The following CCDC91 variants were observed in gnomAD, a reference collection of about 807,000 sequenced individuals.
CCDC91 encodes coiled-coil domain containing 91.
CCDC91 carries 48 observed loss-of-function variants against 63.2 expected under a neutral mutation model. The ratio of observed to expected loss-of-function variants is 0.76; its 90% CI spans 0.60 to 0.97. CCDC91 has a LOEUF of 0.97. Among genes scored for constraint, CCDC91 ranks in the 50% least tolerant of loss-of-function variants. The pLI, the probability that CCDC91 is intolerant of heterozygous loss-of-function variation, is 0.00. For synonymous variants in CCDC91, 167 were observed against 165.8 expected (o/e 1.01, Z -0.06); for missense variants, 500 against 494.6 (o/e 1.01, Z -0.10).
At chr12:28,406,174 C>T (rs1946927221) in intron 8 of CCDC91, among the ~76,000 whole-genome samples, 1 of 151,862 alleles carries the variant, frequency 6.6e-6, no homozygotes, top group Non-Finnish European at 1.5e-5. Flanking sequence ...TGGTTTGCTG[C>T]ACAGATCAAC....
At chr12:28,530,705 G>A (rs1941660163) in intron 12 of CCDC91, among the ~76,000 whole-genome samples, 1 of 152,060 alleles carries the variant, frequency 6.6e-6, no homozygotes, top group African/African-American at 2.4e-5. Context: ...AAAGATATTT[G>A]TAGCTAATAT....
chr12:28,471,569 A>C (rs541443297), intron 11 of CCDC91, among the ~76,000 whole-genome samples: 4 of 152,262 alleles, frequency 2.6e-5, no homozygotes, highest in African/African-American at 9.6e-5. Flanking sequence ...CCAGAGAACA[A>C]CCAGTCCAGT....
At chr12:28,324,519 CT>C (rs1397028007) in intron 6 of CCDC91, among the ~76,000 whole-genome samples, 2 of 151,910 alleles carry the variant, frequency 1.3e-5, no homozygotes, top group African/African-American at 4.8e-5. Context: ...TGTAATTTTA[CT>C]TTTCTCGAAT....
intron 6 of CCDC91, among the ~76,000 whole-genome samples, chr12:28,328,986 T>C (rs1341413949): frequency 2.0e-5 from 3 of 152,122 alleles, no homozygotes; most frequent in Non-Finnish European, 4.4e-5. Context: ...CCAATGGTGT[T>C]TGGAAAAAAA....
intron 12 of CCDC91, among the ~76,000 whole-genome samples, chr12:28,499,418 T>G (rs1592857239): frequency 6.6e-6 from 1 of 151,486 alleles, no homozygotes; most frequent in Non-Finnish European, 1.5e-5. Flanking sequence ...CAGGTTTGTT[T>G]CATAGGTATA....
chr12:28,493,283 A>G (rs1952109095), intron 12 of CCDC91, among the ~76,000 whole-genome samples: 1 of 151,736 alleles, frequency 6.6e-6, no homozygotes, highest in South Asian at 2.1e-4. Flanking sequence ...TGTAGGATCT[A>G]CCTTGGTAAA....
At chr12:28,388,294 C>G (rs1945728877) in intron 7 of CCDC91, among the ~76,000 whole-genome samples, 1 of 152,046 alleles carries the variant, frequency 6.6e-6, no homozygotes. Context: ...AAAGGGCATC[C>G]AAATTGGTAA....
At chr12:28,344,201 T>TA (rs1383067903) in intron 6 of CCDC91, among the ~76,000 whole-genome samples, 1 of 152,080 alleles carries the variant, frequency 6.6e-6, no homozygotes, top group Non-Finnish European at 1.5e-5. Context: ...CTAGCAAACT[T>TA]AAAAAAATCT....
At chr12:28,475,998 A>C (rs1373789375) in intron 11 of CCDC91, among the ~76,000 whole-genome samples, 4 of 151,832 alleles carry the variant, frequency 2.6e-5, no homozygotes, top group South Asian at 4.2e-4. Context: ...AATGTCACTC[A>C]TTTTCCTAGT....
intron 11 of CCDC91, among the ~76,000 whole-genome samples, chr12:28,453,178 A>C (rs1485270353): frequency 1.3e-5 from 2 of 152,132 alleles, no homozygotes; most frequent in East Asian, 3.9e-4. Flanking sequence ...CATGACCTAC[A>C]TGCAGAATAA....
intron 11 of CCDC91, among the ~76,000 whole-genome samples, chr12:28,464,072 C>T (rs1219174951): frequency 6.6e-6 from 1 of 152,162 alleles, no homozygotes; most frequent in Non-Finnish European, 1.5e-5. Context: ...TGATTCAGTG[C>T]TGCCCTTGTT....
At chr12:28,279,155 C>CT (rs529303442) in intron 3 of CCDC91, among the ~76,000 whole-genome samples, 38 of 147,838 alleles carry the variant, frequency 2.6e-4, no homozygotes, top group Admixed American at 3.4e-4. Flanking sequence ...TTTGTGAAGT[C>CT]TTTTTTTTTT....
At chr12:28,461,362 G>A (rs1339045464) in intron 11 of CCDC91, among the ~76,000 whole-genome samples, 1 of 151,966 alleles carries the variant, frequency 6.6e-6, no homozygotes, top group Non-Finnish European at 1.5e-5. Context: ...ATGGATATCT[G>A]TTTCTATTCC....
At chr12:28,456,813 A>G (rs1454646328) in intron 11 of CCDC91, among the ~76,000 whole-genome samples, 1 of 152,100 alleles carries the variant, frequency 6.6e-6, no homozygotes, top group Non-Finnish European at 1.5e-5. Flanking sequence ...TTGAGTAGGC[A>G]GTTAGAAATA....
intron 6 of CCDC91, among the ~76,000 whole-genome samples, chr12:28,339,029 C>G (rs1565821917): frequency 6.6e-6 from 1 of 151,960 alleles, no homozygotes; most frequent in Non-Finnish European, 1.5e-5. Context: ...TTAGTAGAGA[C>G]AGGGTTTCAC....
At chr12:28,317,834 C>T (rs912090463) in intron 6 of CCDC91, among the ~76,000 whole-genome samples, 2 of 151,582 alleles carry the variant, frequency 1.3e-5, no homozygotes, top group Non-Finnish European at 2.9e-5. Flanking sequence ...GTATTTGCAC[C>T]TTTTTATCAG....
At chr12:28,503,962 C>T (rs2141182810) in intron 12 of CCDC91, among the ~76,000 whole-genome samples, 1 of 152,068 alleles carries the variant, frequency 6.6e-6, no homozygotes, top group East Asian at 1.9e-4. Flanking sequence ...GGAGGGATAG[C>T]ATTCGGAGAT....
At chr12:28,242,074 TAATATACTGTCATATTA>T (rs1565659719) in intron 1 of CCDC91, among the ~76,000 whole-genome samples, 1 of 151,800 alleles carries the variant, frequency 6.6e-6, no homozygotes, top group African/African-American at 2.4e-5. Flanking sequence ...AAAGTTGTTA[TAATATACTGTCATATTA>T]AATATACTGT....
At chr12:28,316,022 A>C (rs577167111) in intron 6 of CCDC91, among the ~76,000 whole-genome samples, 2 of 152,062 alleles carry the variant, frequency 1.3e-5, no homozygotes, top group East Asian at 3.9e-4. Context: ...TTCTATCATA[A>C]AACATTGCTG....
Sources: allele counts gnomAD v4.1 joint callset (sites outside exome capture counted in the v4.1 genomes callset), GRCh38; gene constraint gnomAD v4.1.1; transcripts MANE v1.5; gene names NCBI Gene and HGNC (gene_info 2026-07-23, HGNC 2026-07-21).